ASB15: variants seen among roughly 807,000 people sequenced by gnomAD.
ASB15 encodes the protein ankyrin repeat and SOCS box protein 15.
ASB15 carries 54 observed loss-of-function variants against 58.0 expected under a neutral mutation model. That is an observed-to-expected ratio of 0.93 (90% confidence interval 0.75 to 1.17). The LOEUF (loss-of-function observed/expected upper bound fraction) is 1.17. Ranked by LOEUF, ASB15 falls within the 50% of genes most tolerant of loss-of-function variation. ASB15 has a pLI of 0.00. For synonymous variants in ASB15, 249 were observed against 262.4 expected (o/e 0.95, Z 0.50); for missense variants, 680 against 707.4 (o/e 0.96, Z 0.44).
intron 11 of ASB15, among the ~76,000 whole-genome samples, chr7:123,631,121 T>C (rs1802092853): frequency 6.6e-6 from 1 of 152,190 alleles, no homozygotes; most frequent in South Asian, 2.1e-4. Context: ...TTTTTGCTTC[T>C]CTAAGTGGAG....
At chr7:123,611,252 G>A (rs1800434692) in intron 3 of ASB15, among the ~76,000 whole-genome samples, 1 of 152,104 alleles carries the variant, frequency 6.6e-6, no homozygotes, top group Admixed American at 6.5e-5. Context: ...TGGCCCTCAG[G>A]TGGGATTGAG....
chr7:123,603,289 A>T (rs77459605), intron 1 of ASB15, among the ~76,000 whole-genome samples: 1 of 152,144 alleles, frequency 6.6e-6, no homozygotes, highest in Admixed American at 6.5e-5. Flanking sequence ...TTTTGCATGG[A>T]CAAATAGGAT....
chr7:123,583,134 G>A (rs1177807748), intron 1 of ASB15, among the ~76,000 whole-genome samples: 7 of 151,974 alleles, frequency 4.6e-5, no homozygotes, highest in African/African-American at 1.4e-4. Context: ...GCTCACTCCC[G>A]TAATACAAGC....
Position 123,638,586 on chromosome 7 carries a change from A to G in ASB15, c.*1605A>G, listed in dbSNP as rs568685524. Reference sequence around the variant, plus strand: ...GACCTCACACTGCTCTCATTTCCCCATTGACGAGTGAGAATTTCACTGTGG... The same window carrying G: ...GACCTCACACTGCTCTCATTTCCCCGTTGACGAGTGAGAATTTCACTGTGG... On this transcript the variant is annotated 3_prime_UTR_variant, in exon 12 of 12. Transcript: ENST00000451215. 6 of 152,242 alleles carry G rather than the reference A, an allele frequency of 3.9e-5. No individual in the cohort carries two copies. The highest frequency in any genetic ancestry group is 2.1e-4 in the South Asian group (1 of 4,824). The allele number at this position is 152,242 out of a possible 1,614,324, so 9.4% of individuals were successfully genotyped here.
chr7:123,577,405 A>G (rs972042865), intron 1 of ASB15, among the ~76,000 whole-genome samples: 2 of 152,148 alleles, frequency 1.3e-5, no homozygotes, highest in African/African-American at 4.8e-5. Flanking sequence ...CCTTCCTTTA[A>G]CAGCTGTTAG....
chr7:123,623,082 C>A (rs1443184247), intron 7 of ASB15: 4 of 152,210 alleles, frequency 2.6e-5, no homozygotes, highest in Admixed American at 6.5e-5. Flanking sequence ...CTTTGAGTCT[C>A]TCTTTAAATA....
At chr7:123,623,927 AAAGAAAAGAAAGAAAGAAAG>A (rs751616571) in intron 7 of ASB15, among the ~76,000 whole-genome samples, 3 of 20,276 alleles carry the variant, frequency 1.5e-4, no homozygotes, top group Admixed American at 5.5e-4. Context: ...AGGAAGAAAG[AAAGAAAAGAAAGAAAGAAAG>A]AAAGAAAGAA....
intron 1 of ASB15, among the ~76,000 whole-genome samples, chr7:123,578,040 CT>C (rs1027883108): frequency 1.6e-4 from 25 of 151,686 alleles, no homozygotes; most frequent in African/African-American, 5.8e-4. Flanking sequence ...TATCCCTCCC[CT>C]AGCCCCCCAC....
At chr7:123,575,636 G>C (rs1000883906) in intron 1 of ASB15, among the ~76,000 whole-genome samples, 1 of 151,494 alleles carries the variant, frequency 6.6e-6, no homozygotes, top group African/African-American at 2.4e-5. Context: ...TTATTGTTTG[G>C]TTGTAACAAT....
intron 8 of ASB15, among the ~76,000 whole-genome samples, chr7:123,625,819 C>G (rs1025643324): frequency 6.6e-6 from 1 of 152,148 alleles, no homozygotes; most frequent in South Asian, 2.1e-4. Flanking sequence ...CCTCTAGAAC[C>G]GCATGATCCC....
chr7:123,589,252 T>C lies in ASB15; in HGVS notation c.-442-14780T>C, dbSNP rs1329352486. On this transcript the variant is annotated intron_variant, in intron 1 of 13. Coordinates refer to the ASB15 transcript ENST00000451558. Reference sequence around the variant, plus strand: ...GCACATATAATTACAATTGTTATTTTCTCTTGATAAATTTAACCACTTCAT... The same window carrying C: ...GCACATATAATTACAATTGTTATTTCCTCTTGATAAATTTAACCACTTCAT... Among the ~76,000 whole-genome samples the C allele has an allele frequency of 6.6e-5, 10 of 151,576 alleles. No individual in the cohort carries two copies. The East Asian group carries it at 1.9e-3, about 29-fold the overall frequency.
In ASB15 at chr7:123,624,585, C is replaced by T. The variant is rs267601261; in HGVS notation, c.468C>T (p.Ser156=). 18 of 1,613,104 alleles carry T rather than the reference C, an allele frequency of 1.1e-5. No individual in the cohort carries two copies. The highest frequency in any genetic ancestry group is 1.5e-5 in the Non-Finnish European group (18 of 1,179,064). Residue 156 remains serine, a synonymous_variant, in exon 8 of 12, where the codon TCC becomes TCT. Transcript: ENST00000451215. ...TPLLIAVKKG[S]YDMVSTLIKH... ...ATTTTCAAGCTGTGAAAAAGGGCTCCTATGACATGGTGTCGACTCTGATCA... is the reference window on the plus strand; with the variant it reads ...ATTTTCAAGCTGTGAAAAAGGGCTCTTATGACATGGTGTCGACTCTGATCA...
At chr7:123,572,202 C>T (rs367599253) in intron 1 of ASB15, among the ~76,000 whole-genome samples, 38 of 126,772 alleles carry the variant, frequency 3.0e-4, no homozygotes, top group South Asian at 1.1e-3. Context: ...AGTGCAGTGA[C>T]GCGATCTTGC....
Position 123,628,180 on chromosome 7 carries a change from T to G in ASB15, c.870-684T>G, listed in dbSNP as rs114338337. ...CTCAATTGGACTGATGCAAGGTTGA[T>G]GGAATACTAAAGACTCTTCTTTTGG... On this transcript the variant is annotated intron_variant, in intron 9 of 11. Transcript: ENST00000451215. 5.8e-3 allele frequency among the ~76,000 whole-genome samples: 825 copies of G among 142,160 alleles called. 10 individuals carry two copies. Among genetic ancestry groups the G allele is most frequent in the African/African-American group, 0.021 (789 of 37,136 alleles). 93.3% of individuals were successfully genotyped at this position (142,160 alleles called of 152,430 possible). A position where few individuals can be genotyped will look rare whatever the true frequency, so the allele number is the denominator to read the frequency against.
chr7:123,589,096 C>T (rs1342995449), intron 1 of ASB15, among the ~76,000 whole-genome samples: 1 of 151,648 alleles, frequency 6.6e-6, no homozygotes, highest in Non-Finnish European at 1.5e-5. Context: ...TATTTCCTTG[C>T]TGGTTTTCCT....
intron 3 of ASB15, among the ~76,000 whole-genome samples, chr7:123,611,952 C>A (rs995872536): frequency 1.3e-5 from 2 of 150,830 alleles, no homozygotes; most frequent in African/African-American, 4.9e-5. Context: ...AGGGAACTTC[C>A]TTTGTGATAG....
At chr7:123,606,777 G>T (rs1490170738) in intron 2 of ASB15, among the ~76,000 whole-genome samples, 1 of 152,050 alleles carries the variant, frequency 6.6e-6, no homozygotes, top group African/African-American at 2.4e-5. Context: ...GTCACAAATG[G>T]CAAGATTCTC....
rs144825349 is a variant in ASB15, at chr7:123,617,624, C to T, written c.338C>T (p.Thr113Ile). The T allele has an allele frequency of 2.5e-6, 4 of 1,611,168 alleles. No homozygotes were observed. In the African/African-American group the frequency reaches 5.3e-5, roughly 21 times the overall value. The change falls in exon 7 of 12, where the codon ACA becomes ATA. Residue 113 changes from threonine (T) to isoleucine (I), a missense_variant. Coordinates refer to ENST00000451215, the MANE Select transcript of ASB15 (RefSeq NM_001290258.2). Reference sequence around the variant, plus strand: ...GAATTCAAGACCTGTGATGGAGAAACACCCTTGACTTTGGCAGTCAAAGCT... The same window carrying T: ...GAATTCAAGACCTGTGATGGAGAAATACCCTTGACTTTGGCAGTCAAAGCT... ...LWEFKTCDGE[T>I]PLTLAVKAGL...
chr7:123,575,620 A>C (rs1439873038), intron 1 of ASB15, among the ~76,000 whole-genome samples: 1 of 151,992 alleles, frequency 6.6e-6, no homozygotes, highest in Non-Finnish European at 1.5e-5. Flanking sequence ...ATAGTTACCC[A>C]AGCCATTATT....
Sources: allele counts gnomAD v4.1 joint callset (sites outside exome capture counted in the v4.1 genomes callset), GRCh38; gene constraint gnomAD v4.1.1; transcripts MANE v1.5; gene names NCBI Gene and HGNC (gene_info 2026-07-23, HGNC 2026-07-21).